Variants in FMN2 observed in about 807,000 individuals in gnomAD.
FMN2 encodes the protein formin-2.
FMN2 carries 51 observed loss-of-function variants against 142.3 expected under a neutral mutation model. The ratio of observed to expected loss-of-function variants is 0.36; its 90% CI spans 0.29 to 0.45. The LOEUF (loss-of-function observed/expected upper bound fraction) is 0.45, where lower values mean the gene tolerates loss of function less well. Ranked by LOEUF, FMN2 falls within the 20% of genes least tolerant of loss-of-function variation. The probability of loss-of-function intolerance (pLI) is 1.00; values close to 1 mark genes in which losing one functional copy is unlikely to be tolerated. For synonymous variants in FMN2, 882 were observed against 869.8 expected (o/e 1.01, Z -0.25); for missense variants, 1,936 against 2,122.8 (o/e 0.91, Z 1.73).
chr1:240,399,742 C>A (rs1265821856), intron 15 of FMN2, among the ~76,000 whole-genome samples: 5 of 152,116 alleles, frequency 3.3e-5, no homozygotes, highest in African/African-American at 1.2e-4. Context: ...TCAGGTGTAG[C>A]CAACCGAGAA....
intron 2 of FMN2, among the ~76,000 whole-genome samples, chr1:240,137,509 T>C (rs979290284): frequency 1.3e-5 from 2 of 152,234 alleles, no homozygotes; most frequent in Admixed American, 6.5e-5. Flanking sequence ...TGCTCTATAC[T>C]CATGTAATAC....
At chr1:240,177,106 TAAG>T (rs1331693311) in intron 2 of FMN2, among the ~76,000 whole-genome samples, 3 of 152,198 alleles carry the variant, frequency 2.0e-5, no homozygotes, top group African/African-American at 7.2e-5. Context: ...TACAACCAGT[TAAG>T]AAAAATGTCA....
chr1:240,213,090 T>G (rs1666756030), intron 6 of FMN2, among the ~76,000 whole-genome samples: 1 of 152,220 alleles, frequency 6.6e-6, no homozygotes, highest in African/African-American at 2.4e-5. Context: ...ATGATTTACA[T>G]GTAAATCATC....
At chr1:240,111,159 G>C (rs1043214256) in intron 1 of FMN2, among the ~76,000 whole-genome samples, 1 of 152,148 alleles carries the variant, frequency 6.6e-6, no homozygotes, top group South Asian at 2.1e-4. Context: ...CGGAGGTAAT[G>C]AGGATGATTA....
chr1:240,211,327 G>C, intron 6 of FMN2, 92 bp downstream of exon 6: 1 of 1,259,100 alleles, frequency 7.9e-7, no homozygotes. Context: ...TTTTTGGGCT[G>C]TGTAAACCTC....
chr1:240,236,846 G>A (rs1178523088), intron 6 of FMN2, among the ~76,000 whole-genome samples: 1 of 152,164 alleles, frequency 6.6e-6, no homozygotes. Flanking sequence ...TGTGAGATTT[G>A]GAGGGGACAA....
intron 15 of FMN2, among the ~76,000 whole-genome samples, chr1:240,435,011 A>G (rs1267377322): frequency 2.0e-5 from 3 of 152,256 alleles, no homozygotes; most frequent in African/African-American, 7.2e-5. Context: ...AGAAATAGCT[A>G]CCAGCGAAAG....
At chr1:240,144,534 A>G in intron 2 of FMN2, 2 of 1,450,202 alleles carry the variant, frequency 1.4e-6, no homozygotes, top group Non-Finnish European at 1.9e-6. Context: ...CAGGATGTGA[A>G]GATGTCTTCT....
chr1:240,368,054 C>T (rs961096614), intron 14 of FMN2, among the ~76,000 whole-genome samples: 6 of 152,038 alleles, frequency 3.9e-5, no homozygotes, highest in African/African-American at 1.4e-4. Flanking sequence ...ATGTATGAGG[C>T]TTTCTTGGGT....
chr1:240,408,845 A>G (rs1674299995), intron 15 of FMN2, among the ~76,000 whole-genome samples: 1 of 152,112 alleles, frequency 6.6e-6, no homozygotes, highest in Non-Finnish European at 1.5e-5. Flanking sequence ...GTCTTAGGCA[A>G]AACAAAACAA....
At chr1:240,419,489 A>G (rs1316380894) in intron 15 of FMN2, among the ~76,000 whole-genome samples, 1 of 152,052 alleles carries the variant, frequency 6.6e-6, no homozygotes, top group Non-Finnish European at 1.5e-5. Context: ...AGAGTGGGTG[A>G]TTGACCACTA....
At chr1:240,307,926 G>C (rs559827408) in intron 8 of FMN2, among the ~76,000 whole-genome samples, 1 of 152,064 alleles carries the variant, frequency 6.6e-6, no homozygotes, top group East Asian at 1.9e-4. Context: ...GTGTTTTGTA[G>C]TTCTCCTTAT....
At chr1:240,263,622 C>T (rs1318137025) in intron 7 of FMN2, among the ~76,000 whole-genome samples, 1 of 152,166 alleles carries the variant, frequency 6.6e-6, no homozygotes, top group Non-Finnish European at 1.5e-5. Context: ...CGTTAACTGC[C>T]TCTGGAGAAT....
intron 16 of FMN2, among the ~76,000 whole-genome samples, chr1:240,439,038 C>T (rs1440342488): frequency 1.3e-5 from 2 of 151,870 alleles, no homozygotes; most frequent in Non-Finnish European, 2.9e-5. Flanking sequence ...TTTGAGAGGC[C>T]AAGGCAGGCA....
At chr1:240,169,297 G>A (rs947631226) in intron 2 of FMN2, among the ~76,000 whole-genome samples, 2 of 152,170 alleles carry the variant, frequency 1.3e-5, no homozygotes, top group African/African-American at 4.8e-5. Context: ...GGCATTTTCA[G>A]TAGTCTTCTG....
intron 2 of FMN2, among the ~76,000 whole-genome samples, chr1:240,127,311 G>T (rs566627787): frequency 1.3e-5 from 2 of 151,656 alleles, no homozygotes; most frequent in South Asian, 4.2e-4. Context: ...GACCTCCAGT[G>T]ATCTGCCACG....
intron 15 of FMN2, among the ~76,000 whole-genome samples, chr1:240,416,073 C>G (rs1674565920): frequency 6.6e-6 from 1 of 152,126 alleles, no homozygotes; most frequent in South Asian, 2.1e-4. Context: ...CTCCTGCACA[C>G]ATCAGTCTCC....
rs181944097 is a variant in FMN2 at position 240,114,268 on chromosome 1, A to T, written c.1616-8911A>T. Reference sequence around the variant, plus strand: ...TCTTTATATTGAAAGCAAATAGAGTAAGTTGTTCAATATTACCTGGTAACT... The same window carrying T: ...TCTTTATATTGAAAGCAAATAGAGTTAGTTGTTCAATATTACCTGGTAACT... On this transcript the variant is annotated intron_variant, in intron 1 of 17. Coordinates refer to ENST00000319653, the MANE Select transcript of FMN2 (RefSeq NM_020066.5). 1.5e-3 allele frequency among the ~76,000 whole-genome samples: 236 copies of T among 152,344 alleles called. 1 individual carries two copies. The highest frequency in any genetic ancestry group is 9.8e-4 in the Admixed American group (15 of 15,310).
At chr1:240,419,760 G>C (rs1674703698) in intron 15 of FMN2, among the ~76,000 whole-genome samples, 1 of 152,102 alleles carries the variant, frequency 6.6e-6, no homozygotes, top group Non-Finnish European at 1.5e-5. Context: ...TTCCTCACAG[G>C]GATGCAATTC....
Sources: gnomAD v4.1 joint callset for allele counts (sites outside exome capture counted in the v4.1 genomes callset) on GRCh38, gnomAD v4.1.1 for gene constraint, MANE v1.5 for transcripts, NCBI Gene and HGNC (gene_info 2026-07-23, HGNC 2026-07-21) for gene names.